NRG4: variants seen among roughly 807,000 people sequenced by gnomAD.
The protein encoded by NRG4 is pro-neuregulin-4, membrane-bound isoform.
In NRG4, 10 loss-of-function variants were observed where a neutral mutation model predicts 15.0. The observed-to-expected ratio is 0.67, with a 90% CI of 0.41 to 1.13. The LOEUF (loss-of-function observed/expected upper bound fraction) is 1.13. NRG4 is among the 50% of genes most tolerant of loss of function. The probability of loss-of-function intolerance (pLI) is 0.00; values close to 1 mark genes in which losing one functional copy is unlikely to be tolerated. For synonymous variants in NRG4, 41 were observed against 50.1 expected, an observed-to-expected ratio of 0.82 and a Z score of 0.77; for missense variants, 139 against 140.2, an observed-to-expected ratio of 0.99 and a Z score of 0.04.
intron 3 of NRG4, among the ~76,000 whole-genome samples, chr15:76,002,308 A>G (rs528933639): frequency 7.8e-4 from 119 of 152,348 alleles, no homozygotes; most frequent in Non-Finnish European, 1.1e-3. Context: ...TATCTAGGAT[A>G]ATTACTCAAA....
In NRG4 at chr15:75,948,305, CTTTATTTA is replaced by C. The variant is rs142980207; in HGVS notation, c.332-4659_332-4652del. ...CTCTTACGTTTAGGTCTTTGATCCA[CTTTATTTA>C]TTTATTTATTTATTTATTTATTTAT... On this transcript the variant is annotated intron_variant, in intron 5 of 5. Transcript: ENST00000394907. 1.8e-3 allele frequency among the ~76,000 whole-genome samples: 253 copies of C among 144,464 alleles called. 1 individual carries two copies. The highest frequency in any genetic ancestry group is 7.0e-3 in the Middle Eastern group (2 of 284). The allele number at this position is 144,464 out of a possible 152,430, so 94.8% of individuals were successfully genotyped here. A position where few individuals can be genotyped will look rare whatever the true frequency, so the allele number is the denominator to read the frequency against.
At chr15:75,991,779 T>C (rs2034027537) in intron 3 of NRG4, among the ~76,000 whole-genome samples, 1 of 152,144 alleles carries the variant, frequency 6.6e-6, no homozygotes, top group Non-Finnish European at 1.5e-5. Flanking sequence ...CATTTATGAT[T>C]GCATGTCTTC....
chr15:76,006,417 A>G (rs759750340), intron 3 of NRG4, among the ~76,000 whole-genome samples: 1 of 152,234 alleles, frequency 6.6e-6, no homozygotes, highest in Non-Finnish European at 1.5e-5. Context: ...TTTTTATAAA[A>G]TATGATTTTA....
intron 3 of NRG4, among the ~76,000 whole-genome samples, chr15:75,995,205 A>G (rs113813262): frequency 0.016 from 2,386 of 151,778 alleles, 61 homozygotes; most frequent in African/African-American, 0.054. Context: ...CTCAAAAAAA[A>G]AAAGAAAGAA....
At chr15:75,955,829 T>C in intron 5 of NRG4, 103 bp downstream of exon 5, 1 of 555,020 alleles carries the variant, frequency 1.8e-6, no homozygotes. Flanking sequence ...AAGTTTAGGC[T>C]CAACCTTTTT....
upstream of NRG4, among the ~76,000 whole-genome samples, chr15:76,017,155 CTTTTTTTT>C (rs66838505): frequency 2.1e-4 from 11 of 52,320 alleles, no homozygotes; most frequent in African/African-American, 5.5e-4. Context: ...CAACCCCTGC[CTTTTTTTT>C]TTTTTTTTTT....
At chr15:76,031,982 C>G (rs1204909525) in intron 5 of NRG4, among the ~76,000 whole-genome samples, 1 of 152,000 alleles carries the variant, frequency 6.6e-6, no homozygotes, top group East Asian at 1.9e-4. Context: ...TCAAGAAAAG[C>G]CAGCACACAG....
chr15:75,938,584 G>A (rs1029173032), downstream of NRG4: 2 of 152,122 alleles, frequency 1.3e-5, no homozygotes, highest in Non-Finnish European at 2.9e-5. Flanking sequence ...TCAACAGATA[G>A]GCATTATAAA....
At chr15:75,938,823 A>G (rs1345051045), downstream of NRG4, 1 of 152,192 alleles carries the variant, frequency 6.6e-6, no homozygotes, top group Non-Finnish European at 1.5e-5. Flanking sequence ...AATCAGTAAC[A>G]AAAGGAAAAT....
rs542706971 is a variant in NRG4, at chr15:76,042,876, G to C, written c.-104-6885C>G. On this transcript the variant is annotated intron_variant, in intron 4 of 8. Transcript: ENST00000563910. ...TTAAAAAAAAAGCTACAGGCCAATA[G>C]CCCGGGTTAACACTCATGCAAAAAT... is the stretch of plus-strand genomic sequence containing the variant. 1.0e-3 allele frequency among the ~76,000 whole-genome samples: 154 copies of C among 152,008 alleles called. 1 individual carries two copies. In the Middle Eastern group the frequency reaches 0.027, roughly 27 times the overall value.
chr15:75,991,435 T>C (rs2034012697), intron 3 of NRG4, among the ~76,000 whole-genome samples: 1 of 152,194 alleles, frequency 6.6e-6, no homozygotes, highest in Non-Finnish European at 1.5e-5. Context: ...GGGTCATAGT[T>C]TGCTGATCTT....
intron 5 of NRG4, among the ~76,000 whole-genome samples, chr15:76,020,895 C>T (rs1051213657): frequency 3.3e-5 from 5 of 152,184 alleles, no homozygotes; most frequent in African/African-American, 1.2e-4. Flanking sequence ...GCAACAAGCG[C>T]TAATGTAGAA....
At chr15:76,052,121 C>T (rs922642873) in exon 4 of NRG4, 1 of 151,076 alleles carries the variant, frequency 6.6e-6, no homozygotes, top group Admixed American at 6.6e-5. Context: ...AGAGAGGAAA[C>T]TGGTTCTCTT....
At chr15:76,020,691 C>T (rs2035123885) in intron 5 of NRG4, among the ~76,000 whole-genome samples, 3 of 151,434 alleles carry the variant, frequency 2.0e-5, no homozygotes, top group Admixed American at 2.0e-4. Context: ...GGGCTGCATG[C>T]GGCCCACGCG....
At chr15:75,980,207 AAAAG>A (rs1293468579) in intron 3 of NRG4, among the ~76,000 whole-genome samples, 1 of 152,210 alleles carries the variant, frequency 6.6e-6, no homozygotes, top group Non-Finnish European at 1.5e-5. Flanking sequence ...AAATAAATGG[AAAAG>A]AAAGCATGTC....
At position 76,033,027 on chromosome 15, in the gene NRG4, A is replaced by G. The variant is rs565141740; in HGVS notation, c.-57+2917T>C. Among the ~76,000 whole-genome samples the G allele has an allele frequency of 7.6e-4, 116 of 152,334 alleles. 2 individuals are homozygous for G. In the South Asian group the frequency reaches 0.015, roughly 19 times the overall value. On this transcript the variant is annotated intron_variant, in intron 5 of 8. Transcript: ENST00000563910. ...TTATTTGGTTGTAAAAGTTTGTAGC[A>G]TTTCTTACTACATGGGAAACCAATT...
chr15:75,944,001 G>A (rs1207204752), intron 5 of NRG4, among the ~76,000 whole-genome samples: 1 of 152,018 alleles, frequency 6.6e-6, no homozygotes, highest in Non-Finnish European at 1.5e-5. Flanking sequence ...AGAAAAGGGT[G>A]GTTGAGGGGA....
chr15:75,973,235 T>A (rs1000703354), intron 3 of NRG4, among the ~76,000 whole-genome samples: 5 of 152,240 alleles, frequency 3.3e-5, no homozygotes, highest in African/African-American at 1.2e-4. Context: ...TCCTGAGACG[T>A]TGCTGAAGTT....
chr15:76,009,537 T>A (rs1231826428), intron 2 of NRG4, among the ~76,000 whole-genome samples: 1 of 152,164 alleles, frequency 6.6e-6, no homozygotes, highest in Admixed American at 6.6e-5. Flanking sequence ...AGACATTATA[T>A]AACAGAAATA....
Sources: allele counts gnomAD v4.1 joint callset (sites outside exome capture counted in the v4.1 genomes callset), GRCh38; gene constraint gnomAD v4.1.1; transcripts MANE v1.5; gene names NCBI Gene and HGNC (gene_info 2026-07-23, HGNC 2026-07-21).